PDS5A: variants seen among roughly 807,000 people sequenced by gnomAD.
The protein encoded by PDS5A is PDS5 cohesin associated factor A.
A neutral mutation model predicts 167.1 loss-of-function variants in PDS5A; 42 were observed. That is an observed-to-expected ratio of 0.25 (90% CI 0.20 to 0.33). PDS5A has a LOEUF of 0.33. Among genes scored for constraint, PDS5A ranks in the 10% least tolerant of loss-of-function variants. The pLI, the probability that PDS5A is intolerant of heterozygous loss-of-function variation, is 1.00. For synonymous variants in PDS5A, 553 were observed against 554.6 expected, an observed-to-expected ratio of 1.00 and a Z score of 0.04; for missense variants, 1,033 against 1,605.9, an observed-to-expected ratio of 0.64 and a Z score of 6.10.
At chr4:39,840,586 A>C (rs1353624012) in intron 31 of PDS5A, among the ~76,000 whole-genome samples, 3 of 151,262 alleles carry the variant, frequency 2.0e-5, no homozygotes, top group Non-Finnish European at 4.4e-5. Flanking sequence ...AGTAGAGACG[A>C]GTTTTCACCA....
At chr4:39,877,902 T>C (rs1720600600) in intron 18 of PDS5A, among the ~76,000 whole-genome samples, 1 of 152,168 alleles carries the variant, frequency 6.6e-6, no homozygotes, top group Non-Finnish European at 1.5e-5. Context: ...GCCAAAAAAA[T>C]ATCTGAAGTG....
At chr4:39,938,683 TAA>T (rs1726902559) in intron 2 of PDS5A, among the ~76,000 whole-genome samples, 1 of 151,564 alleles carries the variant, frequency 6.6e-6, no homozygotes, top group South Asian at 2.1e-4. Context: ...AAATACTATA[TAA>T]GTTAGGCCAG....
intron 2 of PDS5A, among the ~76,000 whole-genome samples, chr4:39,934,429 C>G (rs1726377189): frequency 6.6e-6 from 1 of 152,046 alleles, no homozygotes; most frequent in South Asian, 2.1e-4. Context: ...TCCCCTGTGC[C>G]ATTCAGGCCT....
intron 19 of PDS5A, 90 bp downstream of exon 19, chr4:39,876,903 C>T (rs999687092): frequency 1.1e-6 from 1 of 938,332 alleles, no homozygotes. Flanking sequence ...TTCTTCCCTC[C>T]TATCTTCCTA....
intron 17 of PDS5A, among the ~76,000 whole-genome samples, chr4:39,887,582 A>G (rs912457203): frequency 6.6e-6 from 1 of 152,202 alleles, no homozygotes; most frequent in Admixed American, 6.5e-5. Flanking sequence ...TAAAAAAATC[A>G]AATCAAAATG....
In PDS5A at chr4:39,928,177, A is replaced by G. The variant is rs752897265; in HGVS notation, c.139-13T>C. ...TTTTCACTACCATCTGTAAAAATGT[A>G]CAAAAACACAAAATAATTAACTCCT... On this transcript the variant is annotated splice_polypyrimidine_tract_variant and intron_variant, in intron 2 of 32. Coordinates refer to ENST00000303538, the MANE Select transcript of PDS5A (RefSeq NM_001100399.2). The G allele has an allele frequency of 2.0e-6, 3 of 1,505,476 alleles. No homozygotes were observed. The highest frequency in any genetic ancestry group is 2.8e-6 in the Non-Finnish European group (3 of 1,088,984). The allele number at this position is 1,505,476 out of a possible 1,614,324, so 93.3% of individuals were successfully genotyped here.
intron 6 of PDS5A, among the ~76,000 whole-genome samples, chr4:39,921,527 G>C (rs1015413333): frequency 2.7e-4 from 40 of 150,198 alleles, no homozygotes; most frequent in African/African-American, 9.3e-4. Context: ...CTTGAGCCCA[G>C]GAGTTTGAGA....
At chr4:39,844,495 CA>C (rs1272152308) in intron 30 of PDS5A, among the ~76,000 whole-genome samples, 160 bp downstream of exon 30, 9 of 129,484 alleles carry the variant, frequency 7.0e-5, no homozygotes, top group African/African-American at 1.1e-4. Context: ...AAAAAAAAAA[CA>C]AAAAAAAACC....
At chr4:39,949,215 T>C (rs1003818923) in intron 2 of PDS5A, among the ~76,000 whole-genome samples, 3 of 150,542 alleles carry the variant, frequency 2.0e-5, no homozygotes, top group East Asian at 2.0e-4. Flanking sequence ...GGCAGGAGGA[T>C]TGCTTGAATG....
chr4:39,909,047 A>AC (rs1337827104), intron 10 of PDS5A, among the ~76,000 whole-genome samples: 8 of 96,374 alleles, frequency 8.3e-5, no homozygotes, highest in East Asian at 9.5e-4. Context: ...TCAAAAAATA[A>AC]AATAAAATAA....
chr4:39,825,955 G>A (rs1410836057), intron 32 of PDS5A, among the ~76,000 whole-genome samples: 1 of 151,844 alleles, frequency 6.6e-6, no homozygotes, highest in African/African-American at 2.4e-5. Context: ...CCTGAAACTT[G>A]GTTTAAAGAG....
In PDS5A at chr4:39,862,380, T is replaced by A. The variant is rs1719074289; in HGVS notation, c.2972-47A>T. 5.8e-6 allele frequency: 5 copies of A among 856,796 alleles called. No individual in the cohort carries two copies. In the African/African-American group the frequency reaches 6.8e-5, roughly 12 times the overall value. The allele number at this position is 856,796 out of a possible 1,614,324, so 53.1% of individuals were successfully genotyped here. A position where few individuals can be genotyped will look rare whatever the true frequency, so the allele number is the denominator to read the frequency against. ...AAACAACCTTTATAAAATGCCTTAG[T>A]GGACTGAGTTCTAACCACTTAAGTT... is the stretch of plus-strand genomic sequence containing the variant. On this transcript the variant is annotated intron_variant, in intron 25 of 32. Coordinates refer to ENST00000303538, the MANE Select transcript of PDS5A (RefSeq NM_001100399.2).
intron 16 of PDS5A, among the ~76,000 whole-genome samples, chr4:39,893,775 A>G (rs1401691178): frequency 3.3e-5 from 5 of 152,236 alleles, no homozygotes; most frequent in Admixed American, 2.6e-4. Context: ...GAGAACACAT[A>G]GTTAAATAAC....
intron 8 of PDS5A, among the ~76,000 whole-genome samples, chr4:39,915,116 G>A (rs1724241548): frequency 6.6e-6 from 1 of 151,404 alleles, no homozygotes; most frequent in Non-Finnish European, 1.5e-5. Flanking sequence ...ATGGCTCACT[G>A]CAGCCTTGAA....
At chr4:39,928,733 G>C (rs1340944392) in intron 2 of PDS5A, among the ~76,000 whole-genome samples, 1 of 151,646 alleles carries the variant, frequency 6.6e-6, no homozygotes, top group East Asian at 1.9e-4. Context: ...GATGAGATAG[G>C]AGGGTCCCTT....
At chr4:39,867,763 CA>C (rs781023072) in intron 22 of PDS5A, among the ~76,000 whole-genome samples, 4,275 of 150,306 alleles carry the variant, frequency 0.028, 101 homozygotes, top group East Asian at 0.13. Context: ...CACACACACA[CA>C]CACACACACA....
intron 32 of PDS5A, among the ~76,000 whole-genome samples, chr4:39,828,016 T>C (rs1325399464): frequency 6.6e-6 from 1 of 152,180 alleles, no homozygotes; most frequent in Non-Finnish European, 1.5e-5. Context: ...ACTAAACTAC[T>C]GAAATGATCA....
chr4:39,929,542 T>TATAC (rs1725796787), intron 2 of PDS5A, among the ~76,000 whole-genome samples: 1 of 120,344 alleles, frequency 8.3e-6, no homozygotes, highest in Non-Finnish European at 1.8e-5. Flanking sequence ...TATATATATA[T>TATAC]ATATATATAT....
chr4:39,930,911 T>C (rs1044784045), intron 2 of PDS5A, among the ~76,000 whole-genome samples: 8 of 152,218 alleles, frequency 5.3e-5, no homozygotes, highest in Non-Finnish European at 1.2e-4. Flanking sequence ...AAATTTATAA[T>C]CTTAAATGTG....
Sources: gnomAD v4.1 joint callset for allele counts (sites outside exome capture counted in the v4.1 genomes callset) on GRCh38, gnomAD v4.1.1 for gene constraint, MANE v1.5 for transcripts, NCBI Gene and HGNC (gene_info 2026-07-23, HGNC 2026-07-21) for gene names.